GOLGA5: variants seen among roughly 807,000 people sequenced by gnomAD.
GOLGA5 encodes the protein golgin A5.
GOLGA5 carries 50 observed loss-of-function variants against 93.5 expected under a neutral mutation model. That is an observed-to-expected ratio of 0.53 (90% CI 0.43 to 0.68). The LOEUF (loss-of-function observed/expected upper bound fraction) is 0.68, where lower values mean the gene tolerates loss of function less well. Ranked by LOEUF, GOLGA5 falls within the 30% of genes least tolerant of loss-of-function variation. GOLGA5 has a pLI of 0.00. For synonymous variants in GOLGA5, 312 were observed against 304.5 expected (o/e 1.02, Z -0.26); for missense variants, 760 against 856.4 (o/e 0.89, Z 1.40).
intron 12 of GOLGA5, 152 bp from the exon 13 acceptor site, chr14:92,839,214 C>A: frequency 1.7e-6 from 1 of 600,784 alleles, no homozygotes; most frequent in Non-Finnish European, 3.0e-6. Flanking sequence ...TTCCATTGCA[C>A]TGAGCTCATT....
intron 3 of GOLGA5, 87 bp downstream of exon 3, chr14:92,807,050 A>T: frequency 1.1e-6 from 1 of 912,354 alleles, no homozygotes; most frequent in Non-Finnish European, 1.7e-6. Context: ...CTGTAATCCC[A>T]GCACTTTGGG....
At chr14:92,824,732 G>T in intron 9 of GOLGA5, 88 bp downstream of exon 9, 1 of 679,666 alleles carries the variant, frequency 1.5e-6, no homozygotes, top group African/African-American at 1.8e-5. Context: ...CTTTCCCCGT[G>T]TTTTCACCTG....
chr14:92,805,148 A>G (rs1884958156), intron 2 of GOLGA5, among the ~76,000 whole-genome samples: 1 of 152,060 alleles, frequency 6.6e-6, no homozygotes, highest in Non-Finnish European at 1.5e-5. Context: ...AAAGTTCCTC[A>G]TGTTCCTTTC....
chr14:92,794,894 C>G (rs1029743031), intron 1 of GOLGA5, among the ~76,000 whole-genome samples: 1 of 11,166 alleles, frequency 9.0e-5, no homozygotes, highest in African/African-American at 7.7e-4. Flanking sequence ...ATCCCACGCA[C>G]TCTCTGCCCC....
At chr14:92,810,976 C>CT (rs1209597538) in intron 5 of GOLGA5, among the ~76,000 whole-genome samples, 1 of 152,210 alleles carries the variant, frequency 6.6e-6, no homozygotes, top group Non-Finnish European at 1.5e-5. Context: ...TCTGGGCTAG[C>CT]TTTTCAACAG....
intron 10 of GOLGA5, among the ~76,000 whole-genome samples, chr14:92,833,601 C>T (rs1269301438): frequency 2.6e-5 from 4 of 152,122 alleles, no homozygotes; most frequent in African/African-American, 9.7e-5. Flanking sequence ...AGACACTTAA[C>T]AAGATGATGC....
At chr14:92,799,436 C>T (rs1385523538) in intron 2 of GOLGA5, among the ~76,000 whole-genome samples, 1 of 121,700 alleles carries the variant, frequency 8.2e-6, no homozygotes, top group Non-Finnish European at 1.6e-5. Flanking sequence ...GCCATCACGC[C>T]TGGCTAATTT....
At chr14:92,812,005 G>T (rs977296477) in intron 6 of GOLGA5, among the ~76,000 whole-genome samples, 25 of 152,150 alleles carry the variant, frequency 1.6e-4, no homozygotes, top group African/African-American at 5.6e-4. Context: ...TACTCACTGT[G>T]ATGATATTAA....
chr14:92,803,100 A>G (rs2140314024), intron 2 of GOLGA5, among the ~76,000 whole-genome samples: 1 of 152,110 alleles, frequency 6.6e-6, no homozygotes, highest in South Asian at 2.1e-4. Context: ...CAGTGGTGGG[A>G]TCTCAGCTCA....
intron 8 of GOLGA5, among the ~76,000 whole-genome samples, chr14:92,822,641 A>G (rs184488110): frequency 2.0e-5 from 3 of 152,008 alleles, no homozygotes; most frequent in East Asian, 1.9e-4. Flanking sequence ...TAGGGTTTTT[A>G]TTTTGTTTTG....
intron 1 of GOLGA5, among the ~76,000 whole-genome samples, chr14:92,796,346 CAGAAA>C (rs1884727185): frequency 6.6e-6 from 1 of 152,164 alleles, no homozygotes; most frequent in African/African-American, 2.4e-5. Flanking sequence ...GCTGGGCCAA[CAGAAA>C]TTTATTTTCT....
chr14:92,815,446 A>C (rs1885182666), intron 6 of GOLGA5, among the ~76,000 whole-genome samples: 1 of 152,200 alleles, frequency 6.6e-6, no homozygotes, highest in Admixed American at 6.5e-5. Context: ...CTATCTATAG[A>C]GAGAGACATT....
At chr14:92,799,861 C>T (rs2052663861) in intron 2 of GOLGA5, among the ~76,000 whole-genome samples, 1 of 152,134 alleles carries the variant, frequency 6.6e-6, no homozygotes, top group Admixed American at 6.6e-5. Context: ...CCCACCTTGG[C>T]CTCCCAAAGT....
chr14:92,795,008 T>A (rs927701583), intron 1 of GOLGA5, among the ~76,000 whole-genome samples: 3 of 152,270 alleles, frequency 2.0e-5, no homozygotes, highest in Non-Finnish European at 4.4e-5. Context: ...TCGACATTAA[T>A]TGCAACATTA....
At chr14:92,818,580 G>A (rs1452988401) in intron 7 of GOLGA5, among the ~76,000 whole-genome samples, 3 of 152,170 alleles carry the variant, frequency 2.0e-5, no homozygotes, top group Non-Finnish European at 4.4e-5. Flanking sequence ...CAAAGGTAGG[G>A]AAAAATAGTT....
At chr14:92,830,343 C>A (rs2140333625) in intron 9 of GOLGA5, among the ~76,000 whole-genome samples, 1 of 152,034 alleles carries the variant, frequency 6.6e-6, no homozygotes, top group Admixed American at 6.6e-5. Context: ...CTTGTCCGAC[C>A]CATAGTCAAC....
At chr14:92,832,413 G>A (rs1222268884) in intron 9 of GOLGA5, among the ~76,000 whole-genome samples, 2 of 152,152 alleles carry the variant, frequency 1.3e-5, no homozygotes, top group East Asian at 1.9e-4. Context: ...CGGCATAGCG[G>A]AGGCTGGAGG....
At chr14:92,794,527 C>G (rs1436564735) in intron 1 of GOLGA5, 71 bp downstream of exon 1, 1 of 152,444 alleles carries the variant, frequency 6.6e-6, no homozygotes, top group Admixed American at 6.5e-5. Context: ...GGCGCAGTCC[C>G]TTCAGTGGAG....
intron 6 of GOLGA5, among the ~76,000 whole-genome samples, chr14:92,814,982 A>G (rs1885174015): frequency 6.6e-6 from 1 of 152,190 alleles, no homozygotes; most frequent in Admixed American, 6.5e-5. Context: ...CTGTACAAAA[A>G]CAGGCCCACG....
Sources: allele counts gnomAD v4.1 joint callset (sites outside exome capture counted in the v4.1 genomes callset), GRCh38; gene constraint gnomAD v4.1.1; transcripts MANE v1.5; gene names NCBI Gene and HGNC (gene_info 2026-07-23, HGNC 2026-07-21).